The following PEAK1 variants were observed in gnomAD, a reference collection of about 807,000 sequenced individuals.
PEAK1 encodes pseudopodium enriched atypical kinase 1.
In PEAK1, 54 loss-of-function variants were observed where a neutral mutation model predicts 124.7. The ratio of observed to expected loss-of-function variants is 0.43; its 90% confidence interval spans 0.35 to 0.54. The LOEUF (loss-of-function observed/expected upper bound fraction) is 0.54. PEAK1 is among the 20% of genes least tolerant of loss of function. The pLI is 0.01. For synonymous variants in PEAK1, 719 were observed against 760.0 expected, an observed-to-expected ratio of 0.95 and a Z score of 0.89; for missense variants, 2,046 against 2,134.5, an observed-to-expected ratio of 0.96 and a Z score of 0.82.
In PEAK1 at chr15:77,313,726, G is replaced by GTGTGTA. The variant is rs1462211130; in HGVS notation, c.-602-27223_-602-27222insTACACA. On this transcript the variant is annotated intron_variant, in intron 2 of 9. Coordinates refer to ENST00000682557, the MANE Select transcript of PEAK1 (RefSeq NM_001385026.1). ...TATATGTATGTGTGTGTGTGTGTGTGTATATATATATATATTTATTTATTT... is the reference window on the plus strand; with the variant it reads ...TATATGTATGTGTGTGTGTGTGTGTGTGTGTATATATATATATATATTTATTTATTT... Among the ~76,000 whole-genome samples the GTGTGTA allele has an allele frequency of 1.6e-3, 176 of 108,600 alleles. 6 individuals are homozygous for GTGTGTA. The highest frequency in any genetic ancestry group is 5.9e-3 in the African/African-American group (172 of 29,292). The allele number at this position is 108,600 out of a possible 152,430, so 71.2% of individuals were successfully genotyped here.
chr15:77,272,700 A>G (rs1161301680), intron 5 of PEAK1, among the ~76,000 whole-genome samples: 3 of 152,188 alleles, frequency 2.0e-5, no homozygotes, highest in Non-Finnish European at 2.9e-5. Context: ...ACTGGTTACC[A>G]GTCCTATTGA....
At chr15:77,223,252 G>A (rs2059469086) in intron 6 of PEAK1, among the ~76,000 whole-genome samples, 3 of 152,000 alleles carry the variant, frequency 2.0e-5, no homozygotes, top group Admixed American at 2.0e-4. Context: ...AAACTTGGAA[G>A]TCAGTATTCT....
At position 77,114,107 on chromosome 15, in the gene PEAK1, G is replaced by A. The variant is rs749253044; in HGVS notation, c.*49C>T. 3.0e-5 allele frequency: 47 copies of A among 1,571,582 alleles called. No individual in the cohort carries two copies. Among genetic ancestry groups the A allele is most frequent in the Non-Finnish European group, 4.1e-5 (47 of 1,149,284 alleles). On this transcript the variant is annotated 3_prime_UTR_variant, in exon 10 of 10. Coordinates refer to ENST00000682557, the MANE Select transcript of PEAK1 (RefSeq NM_001385026.1). ...AGCACTAGGGAGGGGAAGTGCATGG[G>A]TGACATGAAGAAGGTGAAGATGTAG...
chr15:77,314,101 T>A (rs1454708094), intron 2 of PEAK1, among the ~76,000 whole-genome samples: 6 of 152,166 alleles, frequency 3.9e-5, no homozygotes, highest in Non-Finnish European at 8.8e-5. Flanking sequence ...TTTAAAACTT[T>A]TGTTTAAAGC....
intron 7 of PEAK1, among the ~76,000 whole-genome samples, chr15:77,173,487 C>T (rs1013845285): frequency 6.6e-6 from 1 of 152,026 alleles, no homozygotes; most frequent in Non-Finnish European, 1.5e-5. Context: ...ACTTTTTTAG[C>T]AATTTTGAAA....
intron 6 of PEAK1, among the ~76,000 whole-genome samples, chr15:77,198,335 G>T (rs1267244775): frequency 1.3e-5 from 2 of 152,120 alleles, no homozygotes; most frequent in Admixed American, 1.3e-4. Context: ...TTTATTTTTA[G>T]TGCAATGCTG....
intron 8 of PEAK1, among the ~76,000 whole-genome samples, chr15:77,147,380 T>C (rs1416166967): frequency 3.3e-5 from 5 of 152,134 alleles, no homozygotes; most frequent in African/African-American, 9.7e-5. Flanking sequence ...CAAAAATCGG[T>C]TGAATAAAGG....
At chr15:77,267,291 C>T (rs567094647) in intron 5 of PEAK1, among the ~76,000 whole-genome samples, 22 of 152,162 alleles carry the variant, frequency 1.4e-4, no homozygotes, top group South Asian at 4.1e-4. Context: ...TAGCTGAAGA[C>T]GAAGGATATA....
At chr15:77,404,690 T>C (rs2071662356) in intron 1 of PEAK1, 1 of 950,032 alleles carries the variant, frequency 1.1e-6, no homozygotes, top group African/African-American at 1.8e-5. Flanking sequence ...TGTACTAATA[T>C]ATTTGGAGAA....
At chr15:77,266,217 C>T (rs1004373874) in intron 5 of PEAK1, among the ~76,000 whole-genome samples, 39 of 151,834 alleles carry the variant, frequency 2.6e-4, no homozygotes, top group Admixed American at 1.7e-3. Flanking sequence ...CTAACCTGCA[C>T]ATTGTGCACA....
At chr15:77,342,904 T>C (rs527644305) in intron 2 of PEAK1, among the ~76,000 whole-genome samples, 3 of 152,234 alleles carry the variant, frequency 2.0e-5, no homozygotes, top group Non-Finnish European at 4.4e-5. Flanking sequence ...CTATTATAAA[T>C]AGTGTTGCTA....
chr15:77,371,189 C>T, intron 1 of PEAK1: 4 of 983,086 alleles, frequency 4.1e-6, no homozygotes, highest in Non-Finnish European at 4.8e-6. Context: ...TACCTTTTTA[C>T]TAAGTAATTT....
chr15:77,122,866 T>C (rs1026205273), intron 9 of PEAK1, among the ~76,000 whole-genome samples: 12 of 152,232 alleles, frequency 7.9e-5, no homozygotes, highest in African/African-American at 2.9e-4. Context: ...TGTCTGTATA[T>C]ATAGTCTGAA....
intron 2 of PEAK1, among the ~76,000 whole-genome samples, chr15:77,288,728 G>A (rs2063053597): frequency 6.6e-6 from 1 of 151,960 alleles, no homozygotes; most frequent in African/African-American, 2.4e-5. Flanking sequence ...GGATCACGAA[G>A]TCAGGAGATC....
At chr15:77,287,577 C>T (rs1160293381) in intron 2 of PEAK1, among the ~76,000 whole-genome samples, 3 of 151,910 alleles carry the variant, frequency 2.0e-5, no homozygotes, top group African/African-American at 7.3e-5. Flanking sequence ...CCTCTTTTTC[C>T]CTTTCCTCCT....
At chr15:77,268,826 C>A (rs1374419971) in intron 5 of PEAK1, among the ~76,000 whole-genome samples, 6 of 152,138 alleles carry the variant, frequency 3.9e-5, no homozygotes. Context: ...GCAGCAGAAA[C>A]CCTACAAGCT....
At chr15:77,208,238 G>A (rs377597140) in intron 6 of PEAK1, among the ~76,000 whole-genome samples, 51 of 152,112 alleles carry the variant, frequency 3.4e-4, no homozygotes, top group African/African-American at 1.1e-3. Flanking sequence ...ATAAAATGGC[G>A]GATTGAAGAT....
chr15:77,323,049 T>G (rs1449459853), intron 2 of PEAK1, among the ~76,000 whole-genome samples: 1 of 152,074 alleles, frequency 6.6e-6, no homozygotes, highest in Admixed American at 6.5e-5. Flanking sequence ...ATTATCTCAA[T>G]AGATGCAGAA....
chr15:77,384,741 T>C, intron 1 of PEAK1, among the ~76,000 whole-genome samples: 1 of 152,222 alleles, frequency 6.6e-6, no homozygotes, highest in Non-Finnish European at 1.5e-5. Flanking sequence ...CTGCCTTCCC[T>C]TGGCCCTCCA....
Sources: gnomAD v4.1 joint callset for allele counts (sites outside exome capture counted in the v4.1 genomes callset) on GRCh38, gnomAD v4.1.1 for gene constraint, MANE v1.5 for transcripts, NCBI Gene and HGNC (gene_info 2026-07-23, HGNC 2026-07-21) for gene names.